The following ENTPD4 variants were observed in gnomAD, a reference collection of about 807,000 sequenced individuals.
ENTPD4 encodes the protein ectonucleoside triphosphate diphosphohydrolase 4.
ENTPD4 carries 60 observed loss-of-function variants against 79.1 expected under a neutral mutation model. The ratio of observed to expected loss-of-function variants is 0.76; its 90% CI spans 0.62 to 0.94. ENTPD4 has a LOEUF of 0.94. ENTPD4 is among the 40% of genes least tolerant of loss of function. ENTPD4 has a pLI of 0.00. For synonymous variants in ENTPD4, 276 were observed against 292.0 expected, an observed-to-expected ratio of 0.95 and a Z score of 0.56; for missense variants, 772 against 775.1, an observed-to-expected ratio of 1.00 and a Z score of 0.05.
chr8:23,446,350 G>A (rs367922502), intron 4 of ENTPD4, among the ~76,000 whole-genome samples: 12 of 152,166 alleles, frequency 7.9e-5, no homozygotes, highest in African/African-American at 2.4e-4. Flanking sequence ...GGTACGTGAA[G>A]CTAGATGAAA....
At chr8:23,456,484 T>C (rs1329073426) in intron 1 of ENTPD4, among the ~76,000 whole-genome samples, 2 of 152,234 alleles carry the variant, frequency 1.3e-5, no homozygotes, top group African/African-American at 4.8e-5. Context: ...TATAAATCCT[T>C]AGATAAATGT....
intron 8 of ENTPD4, among the ~76,000 whole-genome samples, chr8:23,440,448 A>C (rs1216922342): frequency 6.6e-6 from 1 of 152,214 alleles, no homozygotes; most frequent in African/African-American, 2.4e-5. Context: ...AAAGGCTAAC[A>C]ATGGCTTTTT....
intron 10 of ENTPD4, among the ~76,000 whole-genome samples, 180 bp from the exon 11 acceptor site, chr8:23,435,657 G>A (rs530825920): frequency 1.9e-4 from 29 of 152,254 alleles, no homozygotes; most frequent in African/African-American, 6.3e-4. Context: ...TTACTGATTC[G>A]CAAACACAAT....
chr8:23,447,148 A>G (rs898650247), intron 4 of ENTPD4, among the ~76,000 whole-genome samples: 4 of 152,234 alleles, frequency 2.6e-5, no homozygotes, highest in African/African-American at 9.6e-5. Flanking sequence ...AGCCAAACCT[A>G]AACTTTTACA....
intron 2 of ENTPD4, 151 bp from the exon 3 acceptor site, chr8:23,449,090 A>C (rs1020600783): frequency 6.5e-5 from 41 of 626,424 alleles, no homozygotes; most frequent in Non-Finnish European, 1.7e-5. Flanking sequence ...TATGCTACAC[A>C]ACAGCTACAA....
Position 23,430,418 on chromosome 8 carries a change from T to C in ENTPD4, c.*2508A>G. The C allele has an allele frequency of 1.0e-6, 1 of 985,462 alleles. No homozygotes were observed. The highest frequency in any genetic ancestry group is 1.2e-6 in the Non-Finnish European group (1 of 829,918). 61.0% of individuals were successfully genotyped at this position (985,462 alleles called of 1,614,324 possible). On this transcript the variant is annotated 3_prime_UTR_variant, in exon 13 of 13. Coordinates refer to ENST00000358689, the MANE Select transcript of ENTPD4 (RefSeq NM_004901.5). ...GTTACTTCTCTTGTCCATCTTTTCG[T>C]GCCCACAAATGGAAACTACATTCCT...
intron 12 of ENTPD4, 146 bp downstream of exon 12, chr8:23,434,170 CA>C: frequency 9.1e-7 from 1 of 1,104,616 alleles, no homozygotes; most frequent in Non-Finnish European, 1.3e-6. Context: ...GGGGCAAGAC[CA>C]AAAGCAAACG....
chr8:23,448,037 CAAAAG>C, intron 3 of ENTPD4, 152 bp from the exon 4 acceptor site: 1 of 626,760 alleles, frequency 1.6e-6, no homozygotes, highest in Non-Finnish European at 2.8e-6. Flanking sequence ...ATTGAAGAGT[CAAAAG>C]AAAACAAAAC....
At chr8:23,439,650 C>T (rs1357373323) in intron 9 of ENTPD4, 99 bp downstream of exon 9, 6 of 1,102,502 alleles carry the variant, frequency 5.4e-6, no homozygotes, top group Middle Eastern at 2.0e-4. Flanking sequence ...GTGCAACACA[C>T]TTTTGCTAAT....
rs1800466160 is a variant in ENTPD4, at chr8:23,432,161, A to G, written c.*765T>C. On this transcript the variant is annotated 3_prime_UTR_variant, in exon 13 of 13. Transcript: ENST00000358689. ...AACATATACAGTAACAGACCTGAAC[A>G]ATAAATAAAAAAAAAAATCACCCTC... 1 of 984,100 alleles carries G rather than the reference A, an allele frequency of 1.0e-6. No individual in the cohort carries two copies. Among genetic ancestry groups the G allele is most frequent in the African/African-American group, 1.8e-5 (1 of 56,864 alleles). 61.0% of individuals were successfully genotyped at this position (984,100 alleles called of 1,614,324 possible). A position where few individuals can be genotyped will look rare whatever the true frequency, so the allele number is the denominator to read the frequency against.
At chr8:23,437,811 C>A (rs1800598749) in intron 9 of ENTPD4, among the ~76,000 whole-genome samples, 1 of 152,140 alleles carries the variant, frequency 6.6e-6, no homozygotes, top group African/African-American at 2.4e-5. Flanking sequence ...ATTCTTTAAA[C>A]AAAGACAAAC....
intron 1 of ENTPD4, among the ~76,000 whole-genome samples, chr8:23,454,742 G>T (rs1398401291): frequency 6.6e-6 from 1 of 151,856 alleles, no homozygotes; most frequent in African/African-American, 2.4e-5. Context: ...TGATGATTTT[G>T]ATCAAAAGGA....
chr8:23,454,175 C>T (rs1046417788), intron 1 of ENTPD4, among the ~76,000 whole-genome samples: 6 of 152,140 alleles, frequency 3.9e-5, no homozygotes, highest in African/African-American at 1.4e-4. Context: ...CTACCTTTGA[C>T]GGATGAAACC....
chr8:23,433,798 A>G (rs527868567), intron 12 of ENTPD4, among the ~76,000 whole-genome samples: 1 of 152,318 alleles, frequency 6.6e-6, no homozygotes, highest in South Asian at 2.1e-4. Context: ...ATGCCTCAAA[A>G]TATCATTGAC....
Position 23,434,404 on chromosome 8 carries a change from C to T in ENTPD4, c.1535G>A (p.Ser512Asn). 1 of 1,614,170 alleles carries T rather than the reference C, an allele frequency of 6.2e-7. No individual in the cohort carries two copies. Among genetic ancestry groups the T allele is most frequent in the African/African-American group, 1.3e-5 (1 of 75,038 alleles). ...GTAAACTTGCAAGGCAGTCTTTAAG[C>T]TTTTATAGTTGACAGGAAACGAAAA... ...RGFSFPVNYKSLKTALQVYDK... is the reference protein window; with the variant it reads ...RGFSFPVNYKNLKTALQVYDK... The change falls in exon 12 of 13, where the codon AGC becomes AAC. Residue 512 changes from serine to asparagine, a missense_variant. Ser to Asn is a conservative substitution (Grantham distance 46, BLOSUM62 1). Transcript: ENST00000358689.
rs752206452 is a variant in ENTPD4, at chr8:23,432,958, G to A, written c.1819C>T (p.Leu607Phe). Residue 607 changes from leucine (L) to phenylalanine (F), a missense_variant, in exon 13 of 13, where the codon CTT (leucine) becomes TTT (phenylalanine). Physicochemically the swap from Leu to Phe is conservative, Grantham distance 22. Coordinates refer to ENST00000358689, the MANE Select transcript of ENTPD4 (RefSeq NM_004901.5). ...SAAALWMEEG[L>F]PAQNAPGTL ...GTCCCCGGGGCATTCTGGGCGGGAAGGCCCTCCTCCATCCAGAGGGCGGCG... is the reference window on the plus strand; with the variant it reads ...GTCCCCGGGGCATTCTGGGCGGGAAAGCCCTCCTCCATCCAGAGGGCGGCG... 4.3e-6 allele frequency: 7 copies of A among 1,611,300 alleles called. No individual in the cohort carries two copies. The South Asian group carries it at 7.7e-5, about 18-fold the overall frequency.
intron 1 of ENTPD4, among the ~76,000 whole-genome samples, chr8:23,454,335 T>C (rs1285241851): frequency 6.6e-6 from 1 of 152,172 alleles, no homozygotes; most frequent in Admixed American, 6.5e-5. Context: ...AAAAGACAGT[T>C]TTATTTAACA....
intron 4 of ENTPD4, among the ~76,000 whole-genome samples, chr8:23,445,409 C>T (rs1800748177): frequency 6.6e-6 from 1 of 152,164 alleles, no homozygotes; most frequent in Non-Finnish European, 1.5e-5. Flanking sequence ...AACTCTAGAA[C>T]ACCCTGCTCT....
At chr8:23,435,736 A>C (rs1308736237) in intron 10 of ENTPD4, among the ~76,000 whole-genome samples, 1 of 152,210 alleles carries the variant, frequency 6.6e-6, no homozygotes, top group Non-Finnish European at 1.5e-5. Flanking sequence ...AACCTCTCCA[A>C]AACTGTTTAG....
Sources: allele counts gnomAD v4.1 joint callset (sites outside exome capture counted in the v4.1 genomes callset), GRCh38; gene constraint gnomAD v4.1.1; transcripts MANE v1.5; gene names NCBI Gene and HGNC (gene_info 2026-07-23, HGNC 2026-07-21).